Variants in SCFD1 observed in about 807,000 individuals in gnomAD.
The protein encoded by SCFD1 is sec1 family domain containing 1.
In SCFD1, 37 loss-of-function variants were observed where a neutral mutation model predicts 103.2. The observed-to-expected ratio is 0.36, with a 90% CI of 0.28 to 0.47. SCFD1 has a LOEUF of 0.47. SCFD1 is among the 20% of genes least tolerant of loss of function. SCFD1 has a pLI of 1.00. For missense variants in SCFD1, 639 were observed against 761.2 expected (o/e 0.84, Z 1.89); for synonymous variants, 264 against 245.0 (o/e 1.08, Z -0.73).
intron 18 of SCFD1, among the ~76,000 whole-genome samples, chr14:30,707,185 T>C (rs1016079189): frequency 6.6e-6 from 1 of 152,236 alleles, no homozygotes; most frequent in Non-Finnish European, 1.5e-5. Context: ...GATTTTACAA[T>C]TGGGATTTTG....
intron 12 of SCFD1, 83 bp downstream of exon 12, chr14:30,673,430 T>A (rs564473227): frequency 1.4e-4 from 92 of 675,356 alleles, no homozygotes; most frequent in South Asian, 1.1e-3. Context: ...TTTTTCCTTA[T>A]AAAAATTGAA....
intron 21 of SCFD1, among the ~76,000 whole-genome samples, chr14:30,720,010 C>T (rs1269306109): frequency 1.3e-5 from 2 of 152,040 alleles, no homozygotes; most frequent in African/African-American, 2.4e-5. Flanking sequence ...TTGTCTGTAG[C>T]ACTGAAACTC....
intron 24 of SCFD1, among the ~76,000 whole-genome samples, chr14:30,735,346 T>C (rs1208373299): frequency 1.3e-5 from 2 of 152,198 alleles, no homozygotes; most frequent in Non-Finnish European, 1.5e-5. Context: ...CTCAAACTCC[T>C]GGCCTCAAGT....
rs532814322 is a variant in SCFD1, at chr14:30,646,762, G to A, written c.614-2766G>A. On this transcript the variant is annotated intron_variant, in intron 7 of 24. Transcript: ENST00000458591. The stretch of plus-strand genomic sequence containing the variant: ...TCCATCTGGTCCAGGGCTTTTTCTG[G>A]TTCATAGATTTTTTATTACTGATTC... Among the ~76,000 whole-genome samples, 18 of 152,164 alleles carry A rather than the reference G, an allele frequency of 1.2e-4. No individual in the cohort carries two copies. In the South Asian group the frequency reaches 1.7e-3, roughly 14 times the overall value.
At chr14:30,671,012 CAA>C (rs762468019) in intron 11 of SCFD1, among the ~76,000 whole-genome samples, 1 of 151,916 alleles carries the variant, frequency 6.6e-6, no homozygotes, top group African/African-American at 2.4e-5. Flanking sequence ...TCTAAACAAA[CAA>C]AAATATTATT....
At chr14:30,658,573 A>C (rs1887132955) in intron 10 of SCFD1, among the ~76,000 whole-genome samples, 1 of 151,914 alleles carries the variant, frequency 6.6e-6, no homozygotes, top group Non-Finnish European at 1.5e-5. Flanking sequence ...TTGTATGTTT[A>C]ATAGAGATGG....
intron 19 of SCFD1, among the ~76,000 whole-genome samples, chr14:30,714,243 A>C: frequency 6.6e-6 from 1 of 151,362 alleles, no homozygotes; most frequent in Non-Finnish European, 1.5e-5. Context: ...AGTCCCAGCT[A>C]CTCGGGAGGC....
intron 18 of SCFD1, among the ~76,000 whole-genome samples, chr14:30,706,148 T>C (rs1891454803): frequency 6.6e-6 from 1 of 152,196 alleles, no homozygotes; most frequent in African/African-American, 2.4e-5. Context: ...GTAATTAGCA[T>C]ATCACCTCAA....
Position 30,694,777 on chromosome 14 carries a change from G to T in SCFD1, c.1247G>T (p.Arg416Ile). ...CTAATGTTTATTTTGAAACAGGCAA[G>T]AAAATTGGATGTATATTTTGAATAT... ...ATAVLEHIKA[R>I]KLDVYFEYEE... is the part of the protein sequence containing the mutation. Residue 416 changes from arginine (R) to isoleucine (I), a missense_variant, in exon 15 of 25, where the codon AGA (arginine) becomes ATA (isoleucine). Arg to Ile is a moderately conservative substitution (Grantham distance 97). Coordinates refer to ENST00000458591, the MANE Select transcript of SCFD1 (RefSeq NM_016106.4). 2 of 1,577,762 alleles carry T rather than the reference G, an allele frequency of 1.3e-6. No homozygotes were observed. Among genetic ancestry groups the T allele is most frequent in the Non-Finnish European group, 1.7e-6 (2 of 1,169,254 alleles).
At chr14:30,715,387 A>G (rs1202278374) in intron 19 of SCFD1, 1 of 152,226 alleles carries the variant, frequency 6.6e-6, no homozygotes, top group Non-Finnish European at 1.5e-5. Context: ...CCTGGCCAAC[A>G]TGGCGAAACC....
intron 13 of SCFD1, among the ~76,000 whole-genome samples, 173 bp from the exon 14 acceptor site, chr14:30,674,811 A>G (rs993428473): frequency 2.6e-5 from 4 of 152,226 alleles, no homozygotes; most frequent in African/African-American, 4.8e-5. Flanking sequence ...ACCTGTATTA[A>G]TAAATACTGT....
In SCFD1 at chr14:30,622,564, T is replaced by G. The variant is rs1002696303; in HGVS notation, c.61+165T>G. The stretch of plus-strand genomic sequence containing the variant: ...TTTTGGGGAGAAGTTGCCATTAGCT[T>G]GAGGACTCGGTTCCTCCTGTGGTGC... On this transcript the variant is annotated intron_variant, in intron 1 of 24. Transcript: ENST00000458591. The G allele has an allele frequency of 3.2e-6, 4 of 1,250,270 alleles. No homozygotes were observed. In the Admixed American group the frequency reaches 1.2e-4, roughly 37 times the overall value. 77.4% of individuals were successfully genotyped at this position (1,250,270 alleles called of 1,614,324 possible).
intron 19 of SCFD1, among the ~76,000 whole-genome samples, chr14:30,708,294 A>T (rs1367451293): frequency 1.3e-5 from 2 of 152,028 alleles, no homozygotes; most frequent in African/African-American, 4.8e-5. Context: ...CCCATCACCT[A>T]GGTATTAAGC....
chr14:30,680,372 C>CT (rs959610657), intron 14 of SCFD1, among the ~76,000 whole-genome samples: 3 of 151,246 alleles, frequency 2.0e-5, no homozygotes, highest in African/African-American at 2.4e-5. Flanking sequence ...GGAGAATGAA[C>CT]TTTTTTTTTC....
At chr14:30,705,991 C>A in intron 18 of SCFD1, 106 bp downstream of exon 18, 1 of 858,352 alleles carries the variant, frequency 1.2e-6, no homozygotes, top group Non-Finnish European at 1.8e-6. Context: ...GAAAATGTCA[C>A]CATGCCTTTG....
chr14:30,658,841 C>T (rs1887161955), intron 10 of SCFD1, among the ~76,000 whole-genome samples: 1 of 152,154 alleles, frequency 6.6e-6, no homozygotes, highest in Admixed American at 6.5e-5. Flanking sequence ...TTCTTTGATC[C>T]TCTAATCTTT....
chr14:30,644,241 G>A (rs549722683), intron 7 of SCFD1, among the ~76,000 whole-genome samples: 2 of 152,048 alleles, frequency 1.3e-5, no homozygotes, highest in African/African-American at 4.8e-5. Context: ...TGTTTATCCA[G>A]TCCACCCTTG....
chr14:30,643,431 T>C (rs1384539105), intron 7 of SCFD1, 26 bp downstream of exon 7: 1 of 1,419,908 alleles, frequency 7.0e-7, no homozygotes, highest in Admixed American at 1.7e-5. Context: ...TTTCTGGTTA[T>C]TCTTCAAAGT....
At chr14:30,696,832 C>T (rs1890734526) in intron 15 of SCFD1, among the ~76,000 whole-genome samples, 1 of 151,968 alleles carries the variant, frequency 6.6e-6, no homozygotes, top group African/African-American at 2.4e-5. Context: ...ATGCAGCAAG[C>T]CCATGGAAGC....
Sources: allele counts gnomAD v4.1 joint callset (sites outside exome capture counted in the v4.1 genomes callset), GRCh38; gene constraint gnomAD v4.1.1; transcripts MANE v1.5; gene names NCBI Gene and HGNC (gene_info 2026-07-23, HGNC 2026-07-21).